The following ZNF20 variants were observed in gnomAD, a reference collection of about 807,000 sequenced individuals.
ZNF20 encodes zinc finger protein 20, also known as zinc finger protein KOX13.
In ZNF20, 9 loss-of-function variants were observed where a neutral mutation model predicts 11.0. That is an observed-to-expected ratio of 0.82 (90% CI 0.49 to 1.43). The LOEUF (loss-of-function observed/expected upper bound fraction) is 1.43, where lower values mean the gene tolerates loss of function less well. ZNF20 is among the 40% of genes most tolerant of loss of function. The probability of loss-of-function intolerance (pLI) is 0.00; values close to 1 mark genes in which losing one functional copy is unlikely to be tolerated. For synonymous variants in ZNF20, 182 were observed against 213.0 expected (o/e 0.85, Z 1.27); for missense variants, 528 against 640.8 (o/e 0.82, Z 1.90).
intron 3 of ZNF20, 76 bp downstream of exon 3, chr19:12,135,423 AG>A: frequency 6.8e-7 from 1 of 1,472,816 alleles, no homozygotes. Context: ...TACAGGCGTG[AG>A]CCACTGTACC....
At position 12,131,436 on chromosome 19, in the gene ZNF20, C is replaced by T. The variant is rs998059532; in HGVS notation, c.*1151G>A. 2 of 152,148 alleles carry T rather than the reference C, an allele frequency of 1.3e-5. No individual in the cohort carries two copies. The highest frequency in any genetic ancestry group is 2.4e-5 in the African/African-American group (1 of 41,418). 9.4% of individuals were successfully genotyped at this position (152,148 alleles called of 1,614,324 possible). A position where few individuals can be genotyped will look rare whatever the true frequency, so the allele number is the denominator to read the frequency against. ...TGGCTTTTGGTCATATTCATTACCA[C>T]AGTATATTATTACACCCTCTTTGAC... On this transcript the variant is annotated 3_prime_UTR_variant, in exon 4 of 4. Coordinates refer to ENST00000334213, the MANE Select transcript of ZNF20 (RefSeq NM_021143.4).
In ZNF20 at chr19:12,131,470, T is replaced by C. The variant is rs984249585; in HGVS notation, c.*1117A>G. ...ATTACACCCTCTTTGACGACACTTA[T>C]GCCACTGGTGGTCTTTGGTCAGAAG... is the stretch of plus-strand genomic sequence containing the variant. On this transcript the variant is annotated 3_prime_UTR_variant, in exon 4 of 4. Transcript: ENST00000334213. 1 of 152,216 alleles carries C rather than the reference T, an allele frequency of 6.6e-6. No individual in the cohort carries two copies. The highest frequency in any genetic ancestry group is 1.9e-4 in the East Asian group (1 of 5,200). The allele number at this position is 152,216 out of a possible 1,614,324, so 9.4% of individuals were successfully genotyped here. A position where few individuals can be genotyped will look rare whatever the true frequency, so the allele number is the denominator to read the frequency against.
chr19:12,135,395 C>T, intron 3 of ZNF20, 105 bp downstream of exon 3: 2 of 1,193,656 alleles, frequency 1.7e-6, no homozygotes, highest in Non-Finnish European at 2.4e-6. Context: ...CCACCTCGAC[C>T]TCCCAAAGTG....
intron 3 of ZNF20, 96 bp from the exon 4 acceptor site, chr19:12,134,081 T>C (rs1467660879): frequency 2.7e-6 from 3 of 1,099,026 alleles, no homozygotes; most frequent in African/African-American, 3.2e-5. Flanking sequence ...CCCAGCACTT[T>C]GGGAGGCTGA....
rs1231391030 is a variant in ZNF20, at chr19:12,131,941, A to G, written c.*646T>C. 2 of 152,266 alleles carry G rather than the reference A, an allele frequency of 1.3e-5. No homozygotes were observed. Among genetic ancestry groups the G allele is most frequent in the Non-Finnish European group, 2.9e-5 (2 of 68,058 alleles). The allele number at this position is 152,266 out of a possible 1,614,324, so 9.4% of individuals were successfully genotyped here. On this transcript the variant is annotated 3_prime_UTR_variant, in exon 4 of 4. Coordinates refer to ENST00000334213, the MANE Select transcript of ZNF20 (RefSeq NM_021143.4). ...ATAAGAGCAAGGTGGCTCTTCTCAC[A>G]TAAAAGCCCTTGGTGAGACCAATCA...
intron 3 of ZNF20, among the ~76,000 whole-genome samples, chr19:12,135,042 C>T (rs1198755660): frequency 2.0e-5 from 3 of 151,844 alleles, no homozygotes; most frequent in African/African-American, 7.3e-5. Flanking sequence ...CCCAGCCCAG[C>T]GTATGTTACA....
intron 1 of ZNF20, chr19:12,137,330 A>C (rs1976729222): frequency 6.6e-6 from 1 of 151,970 alleles, no homozygotes; most frequent in Non-Finnish European, 1.5e-5. Flanking sequence ...AGAAGAAGAA[A>C]GCTGCACTTG....
At chr19:12,136,518 T>C (rs111385587) in intron 1 of ZNF20, among the ~76,000 whole-genome samples, 25,250 of 150,598 alleles carry the variant, frequency 0.17, 2,403 homozygotes, top group African/African-American at 0.25. Flanking sequence ...CCTGTCTCTA[T>C]TAAAAAAAAA....
intron 1 of ZNF20, among the ~76,000 whole-genome samples, chr19:12,138,206 A>G (rs2037278880): frequency 6.6e-6 from 1 of 152,058 alleles, no homozygotes; most frequent in Non-Finnish European, 1.5e-5. Flanking sequence ...AAATTCCAGC[A>G]CTTTGGGAGG....
At chr19:12,138,966 T>C (rs906232856) in intron 1 of ZNF20, among the ~76,000 whole-genome samples, 4 of 152,214 alleles carry the variant, frequency 2.6e-5, no homozygotes, top group Non-Finnish European at 5.9e-5. Flanking sequence ...TTGAGACCCA[T>C]ACATTAGGAA....
At chr19:12,138,445 CA>C (rs34380888) in intron 1 of ZNF20, among the ~76,000 whole-genome samples, 511 of 89,924 alleles carry the variant, frequency 5.7e-3, no homozygotes, top group East Asian at 0.014. Context: ...GACTTTCTCT[CA>C]AAAAAAAAAA....
rs542003191 is a variant in ZNF20 at position 12,131,926 on chromosome 19, G to C, written c.*661C>G. Reference sequence around the variant, plus strand: ...GCTTGAAATTTCCTGATAAGAGCAAGGTGGCTCTTCTCACATAAAAGCCCT... The same window carrying C: ...GCTTGAAATTTCCTGATAAGAGCAACGTGGCTCTTCTCACATAAAAGCCCT... On this transcript the variant is annotated 3_prime_UTR_variant, in exon 4 of 4. Coordinates refer to ENST00000334213, the MANE Select transcript of ZNF20 (RefSeq NM_021143.4). The C allele has an allele frequency of 6.6e-5, 10 of 152,354 alleles. No individual in the cohort carries two copies. Among genetic ancestry groups the C allele is most frequent in the African/African-American group, 2.4e-4 (10 of 41,580 alleles). 9.4% of individuals were successfully genotyped at this position (152,354 alleles called of 1,614,324 possible). A position where few individuals can be genotyped will look rare whatever the true frequency, so the allele number is the denominator to read the frequency against.
intron 1 of ZNF20, chr19:12,136,807 A>C: frequency 2.4e-6 from 1 of 425,460 alleles, no homozygotes; most frequent in Non-Finnish European, 4.7e-6. Flanking sequence ...AAACCACGAC[A>C]AAGCAGGTAT....
intron 1 of ZNF20, 164 bp from the exon 2 acceptor site, chr19:12,136,068 C>CT (rs1976706386): frequency 2.1e-6 from 2 of 935,720 alleles, no homozygotes; most frequent in Non-Finnish European, 3.0e-6. Flanking sequence ...CAAACCAACC[C>CT]TTTTTTTGTT....
chr19:12,135,035 A>G (rs1976687781), intron 3 of ZNF20, among the ~76,000 whole-genome samples: 1 of 152,130 alleles, frequency 6.6e-6, no homozygotes, highest in South Asian at 2.1e-4. Flanking sequence ...AACAGTGCCC[A>G]GCCCAGCGTA....
At position 12,139,368 on chromosome 19, in the gene ZNF20, C is replaced by A. The variant is rs1203450326; in HGVS notation, c.3+812G>T. Among the ~76,000 whole-genome samples, 6 of 152,194 alleles carry A rather than the reference C, an allele frequency of 3.9e-5. No individual in the cohort carries two copies. Among genetic ancestry groups the A allele is most frequent in the African/African-American group, 1.4e-4 (6 of 41,454 alleles). On this transcript the variant is annotated intron_variant, in intron 1 of 3. Transcript: ENST00000334213. The surrounding 1 kb of genome is among the most constrained non-coding windows in gnomAD (Gnocchi z 4.0). The stretch of plus-strand genomic sequence containing the variant: ...GAGTGTTAAATCCCTTCATTCCTTC[C>A]TTGCTTTGTGCGTTTTGTCCAATTC...
At position 12,133,590 on chromosome 19, in the gene ZNF20, T is replaced by C. The variant is rs2145597595; in HGVS notation, c.596A>G (p.Tyr199Cys). 1 of 1,614,232 alleles carries C rather than the reference T, an allele frequency of 6.2e-7. No individual in the cohort carries two copies. The highest frequency in any genetic ancestry group is 2.2e-5 in the East Asian group (1 of 44,876). The change falls in exon 4 of 4, where the codon TAT (tyrosine) becomes TGT (cysteine). Residue 199 changes from tyrosine to cysteine, a missense_variant. Coordinates refer to ENST00000334213, the MANE Select transcript of ZNF20 (RefSeq NM_021143.4). ...HRVMHSGDGPYKCKFCGKAFY... is the reference protein window; with the variant it reads ...HRVMHSGDGPCKCKFCGKAFY... ...GGCTTTCCCACAAAACTTACATTTATAAGGTCCATCTCCACTGTGCATTAC... is the reference window on the plus strand; with the variant it reads ...GGCTTTCCCACAAAACTTACATTTACAAGGTCCATCTCCACTGTGCATTAC...
chr19:12,135,675 T>C, intron 2 of ZNF20, 94 bp downstream of exon 2: 1 of 1,591,802 alleles, frequency 6.3e-7, no homozygotes, highest in Non-Finnish European at 8.5e-7. Context: ...TTCATCAAAG[T>C]ATTTTTTGTC....
intron 3 of ZNF20, among the ~76,000 whole-genome samples, chr19:12,134,467 AC>A (rs1378923847): frequency 6.6e-6 from 1 of 152,186 alleles, no homozygotes; most frequent in African/African-American, 2.4e-5. Context: ...ACATGGCGAA[AC>A]CCTGTCTCTA....
Sources: gnomAD v4.1 joint callset for allele counts (sites outside exome capture counted in the v4.1 genomes callset) on GRCh38, gnomAD v4.1.1 for gene constraint, Gnocchi (gnomAD v3.1) non-coding constraint, MANE v1.5 for transcripts, NCBI Gene and HGNC (gene_info 2026-07-23, HGNC 2026-07-21) for gene names.